Variants in NAALADL2 observed in about 807,000 individuals in gnomAD.
NAALADL2 encodes the protein N-acetylated alpha-linked acidic dipeptidase like 2, also known as inactive N-acetylated-alpha-linked acidic dipeptidase-like protein 2.
NAALADL2 carries 76 observed loss-of-function variants against 87.2 expected under a neutral mutation model. The observed-to-expected ratio is 0.87, with a 90% CI of 0.72 to 1.05. The LOEUF (loss-of-function observed/expected upper bound fraction) is 1.05, where lower values mean the gene tolerates loss of function less well. Among genes scored for constraint, NAALADL2 ranks in the 50% least tolerant of loss-of-function variants. NAALADL2 has a pLI of 0.00. For synonymous variants in NAALADL2, 354 were observed against 331.0 expected (o/e 1.07, Z -0.75); for missense variants, 1,089 against 945.8 (o/e 1.15, Z -1.99).
At chr3:175,164,589 A>G (rs553339121) in intron 2 of NAALADL2, among the ~76,000 whole-genome samples, 1 of 152,296 alleles carries the variant, frequency 6.6e-6, no homozygotes, top group East Asian at 1.9e-4. Context: ...ATTGGCTTGT[A>G]TAAAATAACC....
intron 4 of NAALADL2, among the ~76,000 whole-genome samples, chr3:175,306,424 A>T (rs946985726): frequency 2.6e-5 from 4 of 152,198 alleles, no homozygotes; most frequent in Non-Finnish European, 4.4e-5. Flanking sequence ...ACAGGTGGAC[A>T]TTCCTCCTAC....
At chr3:175,442,237 G>T (rs1004430799) in intron 5 of NAALADL2, among the ~76,000 whole-genome samples, 2 of 151,956 alleles carry the variant, frequency 1.3e-5, no homozygotes. Context: ...GAGCCACCAC[G>T]CCTGGCCAAC....
intron 1 of NAALADL2, among the ~76,000 whole-genome samples, chr3:174,897,477 C>T (rs576551346): frequency 6.6e-6 from 1 of 150,746 alleles, no homozygotes; most frequent in African/African-American, 2.4e-5. Flanking sequence ...TATAATTTCA[C>T]CTCAGTTAAA....
chr3:174,933,067 A>G (rs1737157642), intron 1 of NAALADL2, among the ~76,000 whole-genome samples: 1 of 152,194 alleles, frequency 6.6e-6, no homozygotes, highest in Admixed American at 6.5e-5. Context: ...CAGTGAACCG[A>G]GATTGTGCCA....
intron 2 of NAALADL2, among the ~76,000 whole-genome samples, chr3:174,664,592 A>G (rs1422418486): frequency 6.6e-6 from 1 of 152,116 alleles, no homozygotes; most frequent in African/African-American, 2.4e-5. Flanking sequence ...TAAATACATT[A>G]TGTGTTTTTA....
intron 1 of NAALADL2, among the ~76,000 whole-genome samples, chr3:174,950,824 T>G (rs1579686331): frequency 6.6e-6 from 1 of 152,120 alleles, no homozygotes; most frequent in Non-Finnish European, 1.5e-5. Context: ...AACTGAAAAT[T>G]AAGGAGCTTA....
At chr3:175,415,102 CATTT>C (rs1425674060) in intron 5 of NAALADL2, among the ~76,000 whole-genome samples, 1 of 152,118 alleles carries the variant, frequency 6.6e-6, no homozygotes, top group African/African-American at 2.4e-5. Flanking sequence ...TAATTGCCCT[CATTT>C]ATATACACAG....
intron 2 of NAALADL2, among the ~76,000 whole-genome samples, chr3:174,583,619 G>A (rs1716399839): frequency 6.6e-6 from 1 of 152,102 alleles, no homozygotes; most frequent in African/African-American, 2.4e-5. Context: ...CATAATAGAG[G>A]CATTATGATA....
At chr3:175,120,968 G>C in intron 2 of NAALADL2, among the ~76,000 whole-genome samples, 1 of 151,824 alleles carries the variant, frequency 6.6e-6, no homozygotes, top group Non-Finnish European at 1.5e-5. Context: ...TTCATTGAAA[G>C]AATTATTGAT....
At chr3:174,987,435 G>A (rs1746031523) in intron 1 of NAALADL2, among the ~76,000 whole-genome samples, 2 of 147,084 alleles carry the variant, frequency 1.4e-5, no homozygotes, top group Non-Finnish European at 3.0e-5. Flanking sequence ...CGGGCGTAGT[G>A]GCGGGCGCCT....
At chr3:174,606,008 T>C (rs1474171201) in intron 2 of NAALADL2, among the ~76,000 whole-genome samples, 1 of 152,168 alleles carries the variant, frequency 6.6e-6, no homozygotes, top group African/African-American at 2.4e-5. Context: ...CATTTGCGGT[T>C]CATGAAAATC....
intron 2 of NAALADL2, among the ~76,000 whole-genome samples, chr3:174,651,534 CT>C (rs34143149): frequency 1.3e-5 from 2 of 152,060 alleles, no homozygotes; most frequent in African/African-American, 2.4e-5. Flanking sequence ...TAATTGCTTT[CT>C]TTTTTTAAAT....
At chr3:174,917,750 T>G (rs1734604668) in intron 1 of NAALADL2, among the ~76,000 whole-genome samples, 1 of 152,038 alleles carries the variant, frequency 6.6e-6, no homozygotes, top group African/African-American at 2.4e-5. Context: ...TTTTTGTCTT[T>G]TTTGAGCCAC....
intron 1 of NAALADL2, chr3:175,059,879 G>A (rs1027198886): frequency 7.3e-5 from 25 of 341,610 alleles, no homozygotes; most frequent in African/African-American, 4.7e-4. Flanking sequence ...CATAGGGCAA[G>A]ACACGAGTTC....
intron 11 of NAALADL2, among the ~76,000 whole-genome samples, chr3:175,723,500 T>G (rs1253054471): frequency 6.6e-6 from 1 of 152,178 alleles, no homozygotes; most frequent in Non-Finnish European, 1.5e-5. Context: ...GAGTACCAAT[T>G]GCTAGATGAA....
intron 5 of NAALADL2, among the ~76,000 whole-genome samples, chr3:175,370,064 G>A (rs1398724816): frequency 6.6e-6 from 1 of 152,070 alleles, no homozygotes; most frequent in Non-Finnish European, 1.5e-5. Flanking sequence ...GTCTGATCAT[G>A]TTGCCACTGG....
chr3:175,562,902 AAC>A (rs1716496724), intron 9 of NAALADL2, among the ~76,000 whole-genome samples: 1 of 151,954 alleles, frequency 6.6e-6, no homozygotes, highest in African/African-American at 2.4e-5. Flanking sequence ...GGCAGGAGAA[AAC>A]ACAGTTTTAA....
chr3:175,312,238 A>G (rs146123568), intron 4 of NAALADL2, among the ~76,000 whole-genome samples: 35 of 152,300 alleles, frequency 2.3e-4, no homozygotes, highest in African/African-American at 8.4e-4. Flanking sequence ...AAGTGATTAT[A>G]TATTACGTGT....
intron 2 of NAALADL2, among the ~76,000 whole-genome samples, chr3:174,725,849 A>T (rs1184421478): frequency 6.6e-6 from 1 of 152,210 alleles, no homozygotes; most frequent in Non-Finnish European, 1.5e-5. Context: ...TTGTCTCTAA[A>T]GCGGCACCAG....
Sources: gnomAD v4.1 joint callset for allele counts (sites outside exome capture counted in the v4.1 genomes callset) on GRCh38, gnomAD v4.1.1 for gene constraint, MANE v1.5 for transcripts, NCBI Gene and HGNC (gene_info 2026-07-23, HGNC 2026-07-21) for gene names.